Variants in AAMDC observed in about 807,000 individuals in gnomAD.
The protein encoded by AAMDC is adipogenesis associated Mth938 domain containing.
In AAMDC, 16 loss-of-function variants were observed where a neutral mutation model predicts 15.5. The observed-to-expected ratio is 1.03, with a 90% confidence interval of 0.70 to 1.57. The LOEUF is 1.57. Ranked by LOEUF, AAMDC falls within the 40% of genes most tolerant of loss-of-function variation. The pLI is 0.00. For synonymous variants in AAMDC, 51 were observed against 51.6 expected, an observed-to-expected ratio of 0.99 and a Z score of 0.05; for missense variants, 141 against 144.9, an observed-to-expected ratio of 0.97 and a Z score of 0.14.
At chr11:77,853,716 G>T (rs1310843929) in intron 2 of AAMDC, among the ~76,000 whole-genome samples, 4 of 152,218 alleles carry the variant, frequency 2.6e-5, no homozygotes, top group South Asian at 2.1e-4. Flanking sequence ...CAAAGTGGAT[G>T]GATTGCTTCA....
chr11:77,847,403 C>A (rs894862364), intron 2 of AAMDC, among the ~76,000 whole-genome samples: 3 of 152,062 alleles, frequency 2.0e-5, no homozygotes, highest in Non-Finnish European at 4.4e-5. Flanking sequence ...AAAATTAGGC[C>A]CCACATAGAA....
intron 1 of AAMDC, among the ~76,000 whole-genome samples, chr11:77,835,418 C>T (rs1024566570): frequency 1.3e-5 from 2 of 152,096 alleles, no homozygotes; most frequent in South Asian, 2.1e-4. Flanking sequence ...TGACTACCTC[C>T]AGACTTTAAA....
At chr11:77,895,783 A>T (rs1952491457) in intron 5 of AAMDC, among the ~76,000 whole-genome samples, 2 of 152,120 alleles carry the variant, frequency 1.3e-5, no homozygotes, top group Non-Finnish European at 2.9e-5. Context: ...GTAAAATACA[A>T]AAAGATTTGG....
At chr11:77,823,322 T>C (rs572500210) in intron 1 of AAMDC, among the ~76,000 whole-genome samples, 8 of 152,092 alleles carry the variant, frequency 5.3e-5, no homozygotes, top group African/African-American at 1.2e-4. Flanking sequence ...TCGGAAAATA[T>C]TGTTTTTAAG....
rs1175451291 is a variant in AAMDC, at chr11:77,845,949, G to C, written c.132+3321G>C. On this transcript the variant is annotated intron_variant, in intron 2 of 3. Transcript: ENST00000393427. ...GTCTGTTTCCCCCAATCCCCATATG[G>C]ACCTGCCTTTCTTTTTCTTTCTTTC... is the stretch of plus-strand genomic sequence containing the variant. Among the ~76,000 whole-genome samples the C allele has an allele frequency of 1.3e-5, 2 of 151,784 alleles. 1 individual carries two copies. The highest frequency in any genetic ancestry group is 2.9e-5 in the Non-Finnish European group (2 of 67,970).
intron 5 of AAMDC, among the ~76,000 whole-genome samples, chr11:77,893,479 C>T (rs1230457607): frequency 1.3e-5 from 2 of 152,146 alleles, no homozygotes; most frequent in Non-Finnish European, 2.9e-5. Flanking sequence ...CATGGTGGCA[C>T]ATGCCTGTAG....
At chr11:77,884,662 T>C (rs1951922967) in intron 5 of AAMDC, 2 of 225,606 alleles carry the variant, frequency 8.9e-6, no homozygotes, top group Non-Finnish European at 9.7e-6. Context: ...GTGGTCAATG[T>C]TGAAACTGCG....
intron 2 of AAMDC, among the ~76,000 whole-genome samples, chr11:77,861,119 A>G (rs1950858630): frequency 6.6e-6 from 1 of 152,036 alleles, no homozygotes; most frequent in Non-Finnish European, 1.5e-5. Context: ...GCTCGTCCAT[A>G]TTGTCCTTCT....
In AAMDC at chr11:77,864,271, C is replaced by T. The variant is rs558810763; in HGVS notation, c.133-5451C>T. Reference sequence around the variant, plus strand: ...TAGAACATAATGATTATTCTTGGGCCCATCTCTACTAAAAATACAAAAATT... The same window carrying T: ...TAGAACATAATGATTATTCTTGGGCTCATCTCTACTAAAAATACAAAAATT... On this transcript the variant is annotated intron_variant, in intron 2 of 3. Coordinates refer to ENST00000393427, the MANE Select transcript of AAMDC (RefSeq NM_024684.4). 8.6e-5 allele frequency among the ~76,000 whole-genome samples: 13 copies of T among 151,856 alleles called. No individual in the cohort carries two copies. In the South Asian group the frequency reaches 2.7e-3, roughly 32 times the overall value.
chr11:77,879,015 G>T, intron 5 of AAMDC: 1 of 1,614,120 alleles, frequency 6.2e-7, no homozygotes, highest in Non-Finnish European at 8.5e-7. Context: ...TGGTGCCCTC[G>T]ATGCTGGTTT....
At position 77,849,519 on chromosome 11, in the gene AAMDC, C is replaced by A. The variant is rs182294099; in HGVS notation, c.132+6891C>A. Among the ~76,000 whole-genome samples the A allele has an allele frequency of 2.3e-3, 353 of 152,210 alleles. 2 individuals are homozygous for A. Among genetic ancestry groups the A allele is most frequent in the African/African-American group, 8.4e-3 (347 of 41,534 alleles). Reference sequence around the variant, plus strand: ...GATTATTGGCGTGAGCCACTGCACCCGGCCTAATTTTTTAATATTTTGTAG... The same window carrying A: ...GATTATTGGCGTGAGCCACTGCACCAGGCCTAATTTTTTAATATTTTGTAG... On this transcript the variant is annotated intron_variant, in intron 2 of 3. Transcript: ENST00000393427.
intron 1 of AAMDC, among the ~76,000 whole-genome samples, chr11:77,834,634 C>T (rs769295536): frequency 3.9e-5 from 6 of 151,922 alleles, no homozygotes; most frequent in African/African-American, 9.7e-5. Flanking sequence ...AGGCTGATCT[C>T]GAACTCCTGA....
chr11:77,827,399 G>A (rs1949228784), intron 1 of AAMDC, among the ~76,000 whole-genome samples: 1 of 152,086 alleles, frequency 6.6e-6, no homozygotes, highest in African/African-American at 2.4e-5. Flanking sequence ...TTAAATACTA[G>A]CAAACCAGTT....
chr11:77,839,334 C>T (rs1211284006), intron 1 of AAMDC, among the ~76,000 whole-genome samples: 1 of 152,008 alleles, frequency 6.6e-6, no homozygotes, highest in Non-Finnish European at 1.5e-5. Flanking sequence ...TTGTAGAAAC[C>T]AGGTCTCCCA....
At position 77,831,592 on chromosome 11, in the gene AAMDC, C is replaced by G. The variant is rs550797211; in HGVS notation, c.-19+10351C>G. ...CAATCTTAATACACCCTGCTCTACC[C>G]TTACCTTCTTGATTTTACTCTCCCA... is the stretch of plus-strand genomic sequence containing the variant. On this transcript the variant is annotated intron_variant, in intron 1 of 3. Transcript: ENST00000393427. 4.6e-5 allele frequency among the ~76,000 whole-genome samples: 7 copies of G among 152,176 alleles called. No homozygotes were observed. In the South Asian group the frequency reaches 1.2e-3, roughly 27 times the overall value.
At chr11:77,901,538 G>A, downstream of AAMDC, 1 of 1,605,622 alleles carries the variant, frequency 6.2e-7, no homozygotes, top group Non-Finnish European at 8.5e-7. Flanking sequence ...CATTTTGTAG[G>A]TCTCTTCCAT....
intron 2 of AAMDC, among the ~76,000 whole-genome samples, chr11:77,849,007 G>A (rs1278974323): frequency 6.6e-6 from 1 of 150,472 alleles, no homozygotes; most frequent in Non-Finnish European, 1.5e-5. Context: ...TGGTCAGGCT[G>A]GTCTCAAACT....
rs912613367 is a variant in AAMDC at position 77,821,178 on chromosome 11, A to G, written c.-82A>G. 2.7e-6 allele frequency: 1 copy of G among 366,400 alleles called. No individual in the cohort carries two copies. The highest frequency in any genetic ancestry group is 4.3e-5 in the East Asian group (1 of 23,240). The allele number at this position is 366,400 out of a possible 1,614,324, so 22.7% of individuals were successfully genotyped here. A position where few individuals can be genotyped will look rare whatever the true frequency, so the allele number is the denominator to read the frequency against. ...GCGCAGATCCCGAAGCAGCGCTGGG[A>G]GCGTAAGTGCGGGCAGAGCACTGCG... On this transcript the variant is annotated 5_prime_UTR_variant, in exon 1 of 4. Coordinates refer to ENST00000393427, the MANE Select transcript of AAMDC (RefSeq NM_024684.4).
chr11:77,900,756 T>C, downstream of AAMDC: 2 of 614,904 alleles, frequency 3.3e-6, no homozygotes, highest in South Asian at 3.9e-5. Context: ...TAATAAAAAA[T>C]GTGTATCTTG....
Sources: gnomAD v4.1 joint callset for allele counts (sites outside exome capture counted in the v4.1 genomes callset) on GRCh38, gnomAD v4.1.1 for gene constraint, MANE v1.5 for transcripts, NCBI Gene and HGNC (gene_info 2026-07-23, HGNC 2026-07-21) for gene names.